LTBP1: variants seen among roughly 807,000 people sequenced by gnomAD.
LTBP1 encodes the protein latent-transforming growth factor beta-binding protein 1.
Under a neutral mutation model 207.6 loss-of-function variants are expected in LTBP1, and 129 were observed. The ratio of observed to expected loss-of-function variants is 0.62; its 90% CI spans 0.54 to 0.72. The LOEUF (loss-of-function observed/expected upper bound fraction) is 0.72, where lower values mean the gene tolerates loss of function less well. Among genes scored for constraint, LTBP1 ranks in the 30% least tolerant of loss-of-function variants. The probability of loss-of-function intolerance (pLI) is 0.00; values close to 1 mark genes in which losing one functional copy is unlikely to be tolerated. For synonymous variants in LTBP1, 963 were observed against 833.7 expected, an observed-to-expected ratio of 1.16 and a Z score of -2.67; for missense variants, 2,281 against 2,217.2, an observed-to-expected ratio of 1.03 and a Z score of -0.58.
chr2:33,034,995 G>C (rs1333877265), intron 3 of LTBP1, among the ~76,000 whole-genome samples: 2 of 152,172 alleles, frequency 1.3e-5, no homozygotes, highest in Non-Finnish European at 2.9e-5. Context: ...AACTCCACTG[G>C]AATATGTCAT....
At chr2:33,094,834 C>T (rs1266125188) in intron 3 of LTBP1, among the ~76,000 whole-genome samples, 1 of 152,152 alleles carries the variant, frequency 6.6e-6, no homozygotes, top group Admixed American at 6.6e-5. Context: ...AAGGTAATGC[C>T]ATCTTCCAAA....
intron 3 of LTBP1, among the ~76,000 whole-genome samples, chr2:33,027,671 TA>T (rs1322809564): frequency 6.6e-6 from 1 of 151,488 alleles, no homozygotes; most frequent in African/African-American, 2.4e-5. Context: ...CCTTCTCTAC[TA>T]AAAAAAATAC....
intron 3 of LTBP1, among the ~76,000 whole-genome samples, chr2:33,048,205 G>T (rs1482693450): frequency 6.6e-6 from 1 of 152,154 alleles, no homozygotes; most frequent in East Asian, 1.9e-4. Context: ...GCAGTGACTG[G>T]TCTTCATGGA....
chr2:33,041,477 T>A (rs2076183027), intron 3 of LTBP1, among the ~76,000 whole-genome samples: 2 of 152,042 alleles, frequency 1.3e-5, no homozygotes, highest in South Asian at 4.2e-4. Flanking sequence ...AGAGATAGGG[T>A]TTCACCATAT....
At position 33,188,755 on chromosome 2, in the gene LTBP1, TTCCACATAC is replaced by T. The variant is rs779600504; in HGVS notation, c.1609_1617del (p.Thr537_Ser539del). The T allele has an allele frequency of 5.0e-6, 8 of 1,614,120 alleles. No individual in the cohort carries two copies. The East Asian group carries it at 1.8e-4, about 36-fold the overall frequency. On this transcript the variant is annotated inframe_deletion, in exon 7 of 34. Transcript: ENST00000404816. ...CTGTCCAGAAGACCCAGACCATACA[TTCCACATAC>T]TCCCACCAGCAGGTCATTCCTCACG...
At chr2:33,264,425 T>A (rs1171005754) in intron 15 of LTBP1, among the ~76,000 whole-genome samples, 1 of 152,170 alleles carries the variant, frequency 6.6e-6, no homozygotes, top group Non-Finnish European at 1.5e-5. Context: ...AAGTTCTGTA[T>A]AATAAACATA....
At chr2:33,248,620 T>C (rs184438571) in intron 10 of LTBP1, among the ~76,000 whole-genome samples, 2 of 151,070 alleles carry the variant, frequency 1.3e-5, no homozygotes, top group African/African-American at 4.9e-5. Context: ...GGAGTCTTGA[T>C]CTGCTGCCCA....
chr2:33,261,694 TGA>T (rs2093014392), intron 13 of LTBP1, among the ~76,000 whole-genome samples: 1 of 152,186 alleles, frequency 6.6e-6, no homozygotes, highest in Admixed American at 6.5e-5. Context: ...GAAGTTGGAA[TGA>T]GAGCCTGGAT....
intron 2 of LTBP1, among the ~76,000 whole-genome samples, chr2:32,958,306 A>G (rs1418340600): frequency 6.6e-6 from 1 of 152,198 alleles, no homozygotes; most frequent in African/African-American, 2.4e-5. Context: ...GGGCCCCTGC[A>G]CAGTAATTGA....
chr2:33,220,924 C>T (rs2091061843), intron 8 of LTBP1, among the ~76,000 whole-genome samples: 1 of 152,182 alleles, frequency 6.6e-6, no homozygotes. Flanking sequence ...GAGGGACACC[C>T]CAGTACATAT....
At chr2:33,388,109 C>G (rs776749099) in intron 31 of LTBP1, among the ~76,000 whole-genome samples, 3 of 152,196 alleles carry the variant, frequency 2.0e-5, no homozygotes, top group Non-Finnish European at 2.9e-5. Flanking sequence ...TAACTCTGTT[C>G]TTAAATGTAG....
chr2:33,100,219 A>G (rs1329260048), intron 3 of LTBP1, among the ~76,000 whole-genome samples: 1 of 152,240 alleles, frequency 6.6e-6, no homozygotes, highest in Admixed American at 6.5e-5. Flanking sequence ...GCTGTGGTTC[A>G]TGGGAACAGC....
At chr2:33,363,158 A>T (rs906794896) in intron 28 of LTBP1, among the ~76,000 whole-genome samples, 1 of 152,190 alleles carries the variant, frequency 6.6e-6, no homozygotes, top group Non-Finnish European at 1.5e-5. Context: ...CACTTCTCCT[A>T]TAATGTTTTG....
At position 33,300,533 on chromosome 2, in the gene LTBP1, A is replaced by G. The variant is rs771238060; in HGVS notation, c.3318A>G (p.Gly1106=). The change falls in exon 21 of 34, where the codon GGA becomes GGG. Residue 1106 remains glycine (G), a synonymous_variant. Coordinates refer to ENST00000404816, the MANE Select transcript of LTBP1 (RefSeq NM_206943.4). ...NTEGSFRCTC[G]QGYQLSAAKD... is the part of the protein sequence containing the mutation. ...AGGGCTCCTTCAGGTGCACCTGTGG[A>G]CAGGGGTACCAGCTGTCGGCAGCTA... The G allele has an allele frequency of 9.3e-6, 15 of 1,613,750 alleles. No homozygotes were observed. The highest frequency in any genetic ancestry group is 1.2e-5 in the Non-Finnish European group (14 of 1,179,748).
At chr2:33,114,783 T>C (rs1360566415) in intron 4 of LTBP1, among the ~76,000 whole-genome samples, 1 of 152,140 alleles carries the variant, frequency 6.6e-6, no homozygotes, top group African/African-American at 2.4e-5. Context: ...TTTTATGGGA[T>C]GAAGCAGTCC....
intron 31 of LTBP1, among the ~76,000 whole-genome samples, chr2:33,388,553 A>G (rs1380697090): frequency 6.6e-6 from 1 of 152,200 alleles, no homozygotes; most frequent in Non-Finnish European, 1.5e-5. Flanking sequence ...TTAGAACAGT[A>G]TCTGGCATAG....
intron 3 of LTBP1, among the ~76,000 whole-genome samples, chr2:33,027,616 C>A (rs902029970): frequency 2.0e-4 from 31 of 152,178 alleles, no homozygotes; most frequent in African/African-American, 7.2e-4. Context: ...GCAGCTGGAT[C>A]ATGAGGTCAA....
intron 3 of LTBP1, among the ~76,000 whole-genome samples, chr2:33,028,313 A>C (rs552902921): frequency 7.2e-5 from 11 of 152,334 alleles, no homozygotes; most frequent in African/African-American, 2.4e-4. Flanking sequence ...AATATGACCA[A>C]TTATTCTGTG....
At position 33,020,906 on chromosome 2, in the gene LTBP1, C is replaced by A; in HGVS notation, c.566-3C>A. On this transcript the variant is annotated splice_region_variant and splice_polypyrimidine_tract_variant and intron_variant, in intron 2 of 33. Transcript: ENST00000404816. ...AGCTGTGCCTTCTGTTTTCTTTCTG[C>A]AGCTAGCTGTGTTCCGCCATGTCAG... 6.4e-7 allele frequency: 1 copy of A among 1,565,320 alleles called. No homozygotes were observed. The highest frequency in any genetic ancestry group is 1.8e-5 in the Admixed American group (1 of 55,646).
Sources: gnomAD v4.1 joint callset for allele counts (sites outside exome capture counted in the v4.1 genomes callset) on GRCh38, gnomAD v4.1.1 for gene constraint, MANE v1.5 for transcripts, NCBI Gene and HGNC (gene_info 2026-07-23, HGNC 2026-07-21) for gene names.